The following EYA1 variants were observed in gnomAD, a reference collection of about 807,000 sequenced individuals.
The protein encoded by EYA1 is protein phosphatase EYA1.
Under a neutral mutation model 82.0 loss-of-function variants are expected in EYA1, and 16 were observed. The ratio of observed to expected loss-of-function variants is 0.20; its 90% CI spans 0.13 to 0.30. EYA1 has a LOEUF of 0.30. EYA1 is among the 10% of genes least tolerant of loss of function. EYA1 has a pLI of 1.00. For missense variants in EYA1, 633 were observed against 730.7 expected (o/e 0.87, Z 1.54); for synonymous variants, 261 against 264.4 (o/e 0.99, Z 0.12).
upstream of EYA1, among the ~76,000 whole-genome samples, chr8:71,366,870 A>G (rs1277117157): frequency 2.6e-5 from 4 of 152,226 alleles, no homozygotes; most frequent in Non-Finnish European, 5.9e-5. Flanking sequence ...GCAAGGTGAT[A>G]GCCCATAAAG....
intron 11 of EYA1, 131 bp from the exon 12 acceptor site, chr8:71,244,823 C>G (rs1812882187): frequency 1.6e-6 from 1 of 636,380 alleles, no homozygotes; most frequent in Non-Finnish European, 2.9e-6. Flanking sequence ...TGGGCAACAG[C>G]TGCTTATTTT....
chr8:71,295,767 A>T (rs1256726429), intron 9 of EYA1, among the ~76,000 whole-genome samples: 3 of 152,144 alleles, frequency 2.0e-5, no homozygotes, highest in Admixed American at 6.5e-5. Context: ...ACTGCACACA[A>T]ATGTTTATAG....
intron 3 of EYA1, among the ~76,000 whole-genome samples, chr8:71,337,226 ATC>A (rs1001067777): frequency 9.8e-5 from 15 of 152,308 alleles, no homozygotes; most frequent in Admixed American, 3.3e-4. Flanking sequence ...ACTATGAATG[ATC>A]TGTTCCCCTT....
intron 2 of EYA1, among the ~76,000 whole-genome samples, chr8:71,477,210 G>GA (rs995476704): frequency 4.2e-4 from 63 of 151,786 alleles, no homozygotes; most frequent in Non-Finnish European, 6.3e-4. Flanking sequence ...AGCAATAACA[G>GA]AAAAAATAAA....
At chr8:71,408,779 C>G (rs1166389073) in intron 2 of EYA1, among the ~76,000 whole-genome samples, 1 of 140,514 alleles carries the variant, frequency 7.1e-6, no homozygotes, top group Non-Finnish European at 1.5e-5. Context: ...TAATGGGGGA[C>G]TTTAACACCC....
chr8:71,268,648 C>T (rs1182786216), intron 11 of EYA1, among the ~76,000 whole-genome samples: 4 of 152,018 alleles, frequency 2.6e-5, no homozygotes, highest in Non-Finnish European at 4.4e-5. Flanking sequence ...TATATTATCT[C>T]GGAACAGGAA....
intron 7 of EYA1, among the ~76,000 whole-genome samples, chr8:71,311,207 G>C (rs1295980809): frequency 6.6e-6 from 1 of 152,156 alleles, no homozygotes; most frequent in East Asian, 1.9e-4. Flanking sequence ...ACCAGTGATA[G>C]GTACAGACCT....
At chr8:71,456,780 A>C (rs967230525) in intron 2 of EYA1, among the ~76,000 whole-genome samples, 4 of 152,218 alleles carry the variant, frequency 2.6e-5, no homozygotes, top group Non-Finnish European at 4.4e-5. Flanking sequence ...TAAAGACTTA[A>C]AGGTTTGACC....
At chr8:71,521,075 A>C in intron 2 of EYA1, among the ~76,000 whole-genome samples, 1 of 152,166 alleles carries the variant, frequency 6.6e-6, no homozygotes, top group East Asian at 1.9e-4. Flanking sequence ...TTTAAAAAAA[A>C]AAAATCTTTA....
In EYA1 at chr8:71,327,858, T is replaced by C. The variant is rs567873338; in HGVS notation, c.203-5590A>G. Among the ~76,000 whole-genome samples, 790 of 147,560 alleles carry C rather than the reference T, an allele frequency of 5.4e-3. 10 individuals carry two copies. The highest frequency in any genetic ancestry group is 0.019 in the African/African-American group (761 of 39,970). ...AGGGCGGGAATCTTTAAGTTCTTTT[T>C]TTTTTTTTTTTTTTTTGAGACAGAG... is the stretch of plus-strand genomic sequence containing the variant. On this transcript the variant is annotated intron_variant, in intron 4 of 17. Transcript: ENST00000340726.
chr8:71,255,691 G>A (rs536650236), intron 11 of EYA1, among the ~76,000 whole-genome samples: 5 of 152,186 alleles, frequency 3.3e-5, no homozygotes, highest in Admixed American at 6.5e-5. Context: ...TTTTGGATAT[G>A]ACACCAAAAG....
intron 11 of EYA1, 60 bp from the exon 12 acceptor site, chr8:71,244,752 G>T (rs1812871745): frequency 9.8e-7 from 1 of 1,015,596 alleles, no homozygotes; most frequent in Non-Finnish European, 1.5e-6. Context: ...GAAAGAGAGT[G>T]TCTCATTAAG....
chr8:71,198,901 CA>C lies in EYA1; in HGVS notation c.*438del. ...ACAGATTACCCTGGGTATGAGACAC[CA>C]AAAAGTAAACCTTCTTTACAAGAAA... On this transcript the variant is annotated 3_prime_UTR_variant, in exon 18 of 18. Transcript: ENST00000340726. 4.4e-6 allele frequency: 1 copy of C among 228,640 alleles called. No homozygotes were observed. Among genetic ancestry groups the C allele is most frequent in the Non-Finnish European group, 8.9e-6 (1 of 112,882 alleles). 14.2% of individuals were successfully genotyped at this position (228,640 alleles called of 1,614,324 possible). A position where few individuals can be genotyped will look rare whatever the true frequency, so the allele number is the denominator to read the frequency against.
At chr8:71,396,145 T>C (rs1462506905) in intron 2 of EYA1, among the ~76,000 whole-genome samples, 2 of 152,178 alleles carry the variant, frequency 1.3e-5, no homozygotes, top group African/African-American at 4.8e-5. Flanking sequence ...ATATCCCCTT[T>C]CTCATTTTTT....
intron 1 of EYA1, among the ~76,000 whole-genome samples, chr8:71,360,442 T>C (rs1827271240): frequency 6.6e-6 from 1 of 152,214 alleles, no homozygotes; most frequent in Non-Finnish European, 1.5e-5. Context: ...TCTATGAAAC[T>C]CACACAGCAG....
chr8:71,495,115 G>A (rs1811317368), intron 2 of EYA1, among the ~76,000 whole-genome samples: 1 of 152,058 alleles, frequency 6.6e-6, no homozygotes, highest in Admixed American at 6.5e-5. Context: ...AAGAAACTGA[G>A]ATGCAAAATC....
At chr8:71,366,257 G>T (rs1743577921), upstream of EYA1, among the ~76,000 whole-genome samples, 2 of 152,000 alleles carry the variant, frequency 1.3e-5, no homozygotes, top group African/African-American at 2.4e-5. Flanking sequence ...ATGAGATAAT[G>T]CAGGTGCTTA....
chr8:71,420,605 A>C (rs1831095173), intron 2 of EYA1, among the ~76,000 whole-genome samples: 1 of 152,208 alleles, frequency 6.6e-6, no homozygotes, highest in Admixed American at 6.6e-5. Context: ...TGAAAGTAAT[A>C]ATGGATACAG....
intron 2 of EYA1, among the ~76,000 whole-genome samples, chr8:71,494,967 T>C (rs1811308338): frequency 6.6e-6 from 1 of 151,984 alleles, no homozygotes; most frequent in East Asian, 1.9e-4. Context: ...AACATAGCAA[T>C]AGTGGACTCC....
Sources: allele counts gnomAD v4.1 joint callset (sites outside exome capture counted in the v4.1 genomes callset), GRCh38; gene constraint gnomAD v4.1.1; transcripts MANE v1.5; gene names NCBI Gene and HGNC (gene_info 2026-07-23, HGNC 2026-07-21).